The following COLEC10 variants were observed in gnomAD, a reference collection of about 807,000 sequenced individuals.
The protein encoded by COLEC10 is collectin subfamily member 10, also known as collectin-10.
COLEC10 carries 22 observed loss-of-function variants against 28.4 expected under a neutral mutation model. The observed-to-expected ratio is 0.78, with a 90% CI of 0.55 to 1.11. The LOEUF (loss-of-function observed/expected upper bound fraction) is 1.11, where lower values mean the gene tolerates loss of function less well. COLEC10 is among the 50% of genes least tolerant of loss of function. COLEC10 has a pLI of 0.00. For missense variants in COLEC10, 361 were observed against 344.1 expected, an observed-to-expected ratio of 1.05 and a Z score of -0.39; for synonymous variants, 125 against 116.1, an observed-to-expected ratio of 1.08 and a Z score of -0.49.
chr8:119,070,664 T>C (rs1293959691), intron 1 of COLEC10, among the ~76,000 whole-genome samples: 1 of 151,084 alleles, frequency 6.6e-6, no homozygotes, highest in Non-Finnish European at 1.5e-5. Context: ...ACAATTTATG[T>C]GAAATTCTGA....
At chr8:119,092,269 T>C (rs1219796888) in intron 3 of COLEC10, among the ~76,000 whole-genome samples, 2 of 151,910 alleles carry the variant, frequency 1.3e-5, no homozygotes, top group African/African-American at 4.8e-5. Context: ...CAGGGGTTTC[T>C]CTGTGCTAGC....
chr8:118,973,042 C>G, the COLEC10 span, among the ~76,000 whole-genome samples: 1 of 151,912 alleles, frequency 6.6e-6, no homozygotes, highest in Admixed American at 6.6e-5. Context: ...ATTCAATTAC[C>G]TCCCATTGGG....
intron 1 of COLEC10, among the ~76,000 whole-genome samples, chr8:119,073,270 C>T (rs1815160732): frequency 6.6e-6 from 1 of 152,132 alleles, no homozygotes; most frequent in African/African-American, 2.4e-5. Flanking sequence ...CATCATTTTC[C>T]TCACCTTATA....
intron 2 of COLEC10, among the ~76,000 whole-genome samples, chr8:119,034,835 C>T (rs888037197): frequency 6.6e-6 from 1 of 152,152 alleles, no homozygotes; most frequent in African/African-American, 2.4e-5. Flanking sequence ...ATTCCTGAAC[C>T]TCCATTTCTC....
rs1170673565 is a variant in COLEC10, at chr8:119,089,660, C to T, written c.149-20C>T. On this transcript the variant is annotated intron_variant, in intron 1 of 5. Transcript: ENST00000332843. ...TACTGTTTGAGATGCTTCACTCTAT[C>T]TCATTTTCTGTTTCAAAAGGAGATG... 1.3e-6 allele frequency: 2 copies of T among 1,599,880 alleles called. No individual in the cohort carries two copies. Among genetic ancestry groups the T allele is most frequent in the African/African-American group, 2.7e-5 (2 of 74,500 alleles).
chr8:119,085,359 G>A (rs954543893), intron 1 of COLEC10, among the ~76,000 whole-genome samples: 2 of 152,122 alleles, frequency 1.3e-5, no homozygotes, highest in African/African-American at 4.8e-5. Context: ...AAAGTACTAG[G>A]GAGTGGTTTG....
chr8:119,087,700 G>A (rs931263567), intron 1 of COLEC10, among the ~76,000 whole-genome samples: 4 of 151,766 alleles, frequency 2.6e-5, no homozygotes, highest in African/African-American at 7.3e-5. Context: ...TGAAAAATTT[G>A]GCACGGTGCC....
the COLEC10 span, among the ~76,000 whole-genome samples, chr8:118,988,626 C>T: frequency 1.3e-5 from 2 of 152,130 alleles, no homozygotes; most frequent in Admixed American, 1.3e-4. Flanking sequence ...AATCCAAGAT[C>T]TAATTGGAAG....
chr8:119,082,525 A>C (rs1815389635), intron 1 of COLEC10, among the ~76,000 whole-genome samples: 2 of 152,176 alleles, frequency 1.3e-5, no homozygotes, highest in Admixed American at 1.3e-4. Flanking sequence ...CTATGACACA[A>C]TGCAATAGGA....
intron 1 of COLEC10, among the ~76,000 whole-genome samples, chr8:118,996,216 G>C (rs1394694802): frequency 6.6e-6 from 1 of 152,112 alleles, no homozygotes; most frequent in African/African-American, 2.4e-5. Context: ...GTTTCCTTTG[G>C]CTAAGGCTGA....
At chr8:118,977,901 A>T in the COLEC10 span, among the ~76,000 whole-genome samples, 2 of 152,034 alleles carry the variant, frequency 1.3e-5, no homozygotes, top group African/African-American at 4.8e-5. Flanking sequence ...ATCTACAGGA[A>T]ATTGTGTAAG....
the COLEC10 span, among the ~76,000 whole-genome samples, chr8:118,984,969 G>A: frequency 6.6e-5 from 10 of 152,078 alleles, no homozygotes; most frequent in Non-Finnish European, 1.3e-4. Context: ...TCACTATCAC[G>A]AGAACAGCAC....
intron 2 of COLEC10, among the ~76,000 whole-genome samples, chr8:119,034,441 G>A (rs1216012049): frequency 2.6e-5 from 4 of 151,562 alleles, no homozygotes; most frequent in East Asian, 1.9e-4. Flanking sequence ...GGCCAGGTGC[G>A]GTGGCTCACG....
rs559071200 is a variant in COLEC10, at chr8:119,083,849, G to A, written c.149-5831G>A. On this transcript the variant is annotated intron_variant, in intron 1 of 5. Coordinates refer to ENST00000332843, the MANE Select transcript of COLEC10 (RefSeq NM_006438.5). ...AAATTATTTAGTATAAGATTAAATA[G>A]CTGTTATATAGTAAATTCAGGAGTT... is the stretch of plus-strand genomic sequence containing the variant. Among the ~76,000 whole-genome samples the A allele has an allele frequency of 2.0e-5, 3 of 152,096 alleles. No individual in the cohort carries two copies. In the South Asian group the frequency reaches 6.2e-4, roughly 32 times the overall value.
chr8:119,084,104 T>A (rs900257520), intron 1 of COLEC10, among the ~76,000 whole-genome samples: 1 of 152,142 alleles, frequency 6.6e-6, no homozygotes, highest in Non-Finnish European at 1.5e-5. Context: ...TAAATTTCCA[T>A]CACAAAGCTA....
chr8:119,097,489 T>G (rs1007195650), intron 3 of COLEC10, among the ~76,000 whole-genome samples: 1 of 152,146 alleles, frequency 6.6e-6, no homozygotes, highest in Non-Finnish European at 1.5e-5. Flanking sequence ...TAATGTTTAG[T>G]GAATTTTGTA....
Position 119,067,372 on chromosome 8 carries a change from G to C in COLEC10, c.91G>C (p.Asp31His). Residue 31 changes from aspartate (D) to histidine (H), a missense_variant, in exon 1 of 6, where the codon GAT becomes CAT. Physicochemically the swap from Asp to His is moderately conservative, Grantham distance 81. Transcript: ENST00000332843. Reference sequence around the variant, plus strand: ...AATTCAGAGTCTGGGTCTGGATATTGATAGCCGTCCTACCGCTGAAGTCTG... The same window carrying C: ...AATTCAGAGTCTGGGTCTGGATATTCATAGCCGTCCTACCGCTGAAGTCTG... Reference protein sequence around the residue: ...LQIQSLGLDIDSRPTAEVCAT... With the variant: ...LQIQSLGLDIHSRPTAEVCAT... 1 of 1,614,040 alleles carries C rather than the reference G, an allele frequency of 6.2e-7. No homozygotes were observed. The highest frequency in any genetic ancestry group is 8.5e-7 in the Non-Finnish European group (1 of 1,179,966).
At chr8:118,972,616 C>T in the COLEC10 span, among the ~76,000 whole-genome samples, 1 of 151,986 alleles carries the variant, frequency 6.6e-6, no homozygotes. Context: ...CCCCAGTAAC[C>T]TGAGTTGCTC....
chr8:119,079,431 TG>T (rs1328891439), intron 1 of COLEC10, among the ~76,000 whole-genome samples: 21 of 152,186 alleles, frequency 1.4e-4, no homozygotes, highest in African/African-American at 5.1e-4. Flanking sequence ...ACAACTGCAT[TG>T]CATTGCAGAA....
Sources: allele counts gnomAD v4.1 joint callset (sites outside exome capture counted in the v4.1 genomes callset), GRCh38; gene constraint gnomAD v4.1.1; transcripts MANE v1.5; gene names NCBI Gene and HGNC (gene_info 2026-07-23, HGNC 2026-07-21).